The following SYBU variants were observed in gnomAD, a reference collection of about 807,000 sequenced individuals.
SYBU encodes the protein syntabulin.
SYBU carries 21 observed loss-of-function variants against 35.9 expected under a neutral mutation model. That is an observed-to-expected ratio of 0.58 (90% confidence interval 0.41 to 0.84). The LOEUF (loss-of-function observed/expected upper bound fraction) is 0.84, where lower values mean the gene tolerates loss of function less well. SYBU is among the 40% of genes least tolerant of loss of function. The pLI, the probability that SYBU is intolerant of heterozygous loss-of-function variation, is 0.00. For synonymous variants in SYBU, 319 were observed against 324.3 expected (o/e 0.98, Z 0.18); for missense variants, 768 against 848.2 (o/e 0.91, Z 1.17).
upstream of SYBU, among the ~76,000 whole-genome samples, chr8:109,684,447 C>T (rs915361239): frequency 6.6e-6 from 1 of 152,116 alleles, no homozygotes; most frequent in Admixed American, 6.5e-5. Context: ...GTGGCATAAA[C>T]ATAAGAAATA....
intron 1 of SYBU, among the ~76,000 whole-genome samples, chr8:109,658,388 C>T (rs1328050094): frequency 1.3e-5 from 2 of 152,178 alleles, no homozygotes; most frequent in Admixed American, 1.3e-4. Context: ...CTACAAACTT[C>T]TCAATTCACG....
chr8:109,590,816 A>T (rs1824151846), intron 3 of SYBU, among the ~76,000 whole-genome samples: 1 of 151,878 alleles, frequency 6.6e-6, no homozygotes, highest in Non-Finnish European at 1.5e-5. Flanking sequence ...TATTAGGCAG[A>T]TGAAAGAAAA....
intron 3 of SYBU, among the ~76,000 whole-genome samples, chr8:109,603,104 T>A (rs906887675): frequency 1.3e-5 from 2 of 152,220 alleles, no homozygotes; most frequent in African/African-American, 4.8e-5. Context: ...GGAGGGGACA[T>A]GCACTGGGAT....
intron 3 of SYBU, among the ~76,000 whole-genome samples, chr8:109,591,020 T>A (rs1055907143): frequency 2.6e-5 from 4 of 152,178 alleles, no homozygotes; most frequent in Non-Finnish European, 5.9e-5. Context: ...AAAAGAAAAC[T>A]GTACTGCTAG....
rs538401671 is a variant in SYBU at position 109,575,874 on chromosome 8, C to T, written c.1024G>A (p.Glu342Lys). Reference protein sequence around the residue: ...KEIKQLKQVIETMRSSLADKD... With the variant: ...KEIKQLKQVIKTMRSSLADKD... Reference sequence around the variant, plus strand: ...TCAGCCAAGCTGCTCCGCATGGTTTCGATGACCTGTTTGAGCTGTTTAATC... The same window carrying T: ...TCAGCCAAGCTGCTCCGCATGGTTTTGATGACCTGTTTGAGCTGTTTAATC... The change falls in exon 7 of 7, where the codon GAA becomes AAA. Residue 342 changes from glutamate to lysine, a missense_variant. Transcript: ENST00000276646. 22 of 1,613,826 alleles carry T rather than the reference C, an allele frequency of 1.4e-5. No individual in the cohort carries two copies. In the Admixed American group the frequency reaches 1.7e-4, roughly 12 times the overall value.
chr8:109,634,335 G>A (rs1188653647), intron 2 of SYBU, among the ~76,000 whole-genome samples: 1 of 152,094 alleles, frequency 6.6e-6, no homozygotes, highest in Non-Finnish European at 1.5e-5. Context: ...TGGTTCTATT[G>A]TGGAGCTTAC....
upstream of SYBU, among the ~76,000 whole-genome samples, chr8:109,649,425 G>T (rs776764170): frequency 1.5e-4 from 23 of 152,118 alleles, no homozygotes; most frequent in Non-Finnish European, 2.9e-4. Context: ...GAGGTGCTTG[G>T]GGCAGAGAGG....
intron 1 of SYBU, among the ~76,000 whole-genome samples, chr8:109,663,986 A>G (rs1388141597): frequency 1.3e-5 from 2 of 152,232 alleles, no homozygotes; most frequent in Non-Finnish European, 2.9e-5. Flanking sequence ...ATATGGTATG[A>G]TCATTTGACA....
chr8:109,581,133 C>T (rs765293402), intron 4 of SYBU: 1 of 152,384 alleles, frequency 6.6e-6, no homozygotes, highest in South Asian at 2.1e-4. Flanking sequence ...GGCGTCACAA[C>T]TGCATACTTA....
chr8:109,634,305 T>C (rs868215371), intron 2 of SYBU, among the ~76,000 whole-genome samples: 10 of 152,308 alleles, frequency 6.6e-5, no homozygotes, highest in African/African-American at 2.2e-4. Flanking sequence ...CTCTTCTAGA[T>C]GCCCACAACA....
upstream of SYBU, chr8:109,647,631 T>C (rs571676824): frequency 6.6e-6 from 1 of 152,384 alleles, no homozygotes; most frequent in Non-Finnish European, 1.5e-5. Flanking sequence ...GAGTGAATTC[T>C]ATAACCCCAT....
rs114843111 is a variant in SYBU at position 109,651,632 on chromosome 8, T to C, written c.-129+29079A>G. Among the ~76,000 whole-genome samples, 1,081 of 152,162 alleles carry C rather than the reference T, an allele frequency of 7.1e-3. 10 individuals carry two copies. The highest frequency in any genetic ancestry group is 0.024 in the African/African-American group (983 of 41,508). On this transcript the variant is annotated intron_variant, in intron 1 of 5. Transcript: ENST00000408889. ...GTGCCTCATTTTCACATCTAGAAAA[T>C]AAACTTAATAACAGTAATTAGTTCA...
At chr8:109,644,487 C>T (rs1283673187) in intron 1 of SYBU, 149 bp downstream of exon 1, 3 of 907,756 alleles carry the variant, frequency 3.3e-6, no homozygotes, top group Non-Finnish European at 5.1e-6. Context: ...TAAGCAATGC[C>T]TCCTGCCTTC....
chr8:109,653,190 T>A (rs562483720), intron 1 of SYBU, among the ~76,000 whole-genome samples: 2 of 152,160 alleles, frequency 1.3e-5, no homozygotes, highest in Non-Finnish European at 2.9e-5. Flanking sequence ...ATCTATTTTA[T>A]TTTTTAAAAA....
At chr8:109,639,606 G>A (rs889799489) in intron 2 of SYBU, among the ~76,000 whole-genome samples, 5 of 152,192 alleles carry the variant, frequency 3.3e-5, no homozygotes, top group African/African-American at 4.8e-5. Context: ...GGAAGGTTGC[G>A]AAGCTATGAT....
At chr8:109,662,884 G>A (rs1264418133) in intron 1 of SYBU, among the ~76,000 whole-genome samples, 3 of 151,988 alleles carry the variant, frequency 2.0e-5, no homozygotes, top group African/African-American at 4.8e-5. Flanking sequence ...GAACCTGAAG[G>A]CAAAGAAAGT....
intron 3 of SYBU, among the ~76,000 whole-genome samples, chr8:109,598,333 C>A (rs1264827818): frequency 6.6e-6 from 1 of 152,210 alleles, no homozygotes; most frequent in Non-Finnish European, 1.5e-5. Flanking sequence ...GTGGTACTAA[C>A]CATGCTGCAT....
intron 1 of SYBU, among the ~76,000 whole-genome samples, chr8:109,660,508 A>G (rs1374346480): frequency 6.6e-6 from 1 of 152,180 alleles, no homozygotes; most frequent in East Asian, 1.9e-4. Context: ...TTCCAAGTAT[A>G]GTGTAGCTAG....
chr8:109,636,216 G>A (rs1031439706), intron 2 of SYBU, among the ~76,000 whole-genome samples: 4 of 152,058 alleles, frequency 2.6e-5, no homozygotes, highest in East Asian at 1.9e-4. Flanking sequence ...CTACTACACC[G>A]CACTAATTAA....
Sources: allele counts gnomAD v4.1 joint callset (sites outside exome capture counted in the v4.1 genomes callset), GRCh38; gene constraint gnomAD v4.1.1; transcripts MANE v1.5; gene names NCBI Gene and HGNC (gene_info 2026-07-23, HGNC 2026-07-21).